The following PACRG variants were observed in gnomAD, a reference collection of about 807,000 sequenced individuals.
The protein encoded by PACRG is parkin coregulated gene protein.
PACRG carries 29 observed loss-of-function variants against 29.7 expected under a neutral mutation model. That is an observed-to-expected ratio of 0.98 (90% CI 0.73 to 1.33). The LOEUF (loss-of-function observed/expected upper bound fraction) is 1.33. Among genes scored for constraint, PACRG ranks in the 40% most tolerant of loss-of-function variants. The probability of loss-of-function intolerance (pLI) is 0.00; values close to 1 mark genes in which losing one functional copy is unlikely to be tolerated. For missense variants in PACRG, 279 were observed against 316.2 expected, an observed-to-expected ratio of 0.88 and a Z score of 0.89; for synonymous variants, 116 against 118.7, an observed-to-expected ratio of 0.98 and a Z score of 0.15.
At chr6:162,741,086 A>T (rs1051370068) in intron 1 of PACRG, among the ~76,000 whole-genome samples, 1 of 152,114 alleles carries the variant, frequency 6.6e-6, no homozygotes, top group East Asian at 1.9e-4. Flanking sequence ...CTTTTACATT[A>T]TTTAATCATG....
intron 4 of PACRG, among the ~76,000 whole-genome samples, chr6:163,168,042 T>TA (rs2128345158): frequency 6.6e-6 from 1 of 152,354 alleles, no homozygotes; most frequent in East Asian, 1.9e-4. Context: ...TTTCATATTA[T>TA]TTTGTACACT....
intron 4 of PACRG, among the ~76,000 whole-genome samples, chr6:163,230,488 A>C (rs1208499145): frequency 6.6e-6 from 1 of 152,172 alleles, no homozygotes; most frequent in East Asian, 1.9e-4. Context: ...GGGAGAAAAT[A>C]AACTAGTTAT....
At chr6:162,989,708 G>A (rs1171947498) in intron 2 of PACRG, among the ~76,000 whole-genome samples, 1 of 147,270 alleles carries the variant, frequency 6.8e-6, no homozygotes, top group Non-Finnish European at 1.5e-5. Context: ...AGGGCTGACT[G>A]TGTTCAGTAC....
At chr6:163,104,852 A>G (rs1489799687) in intron 4 of PACRG, among the ~76,000 whole-genome samples, 1 of 152,194 alleles carries the variant, frequency 6.6e-6, no homozygotes. Flanking sequence ...GTATACTTCA[A>G]TTACCTTGCC....
At chr6:163,083,437 T>C (rs1813261405) in intron 3 of PACRG, among the ~76,000 whole-genome samples, 6 of 152,212 alleles carry the variant, frequency 3.9e-5, no homozygotes, top group Admixed American at 3.9e-4. Flanking sequence ...CTTACATATA[T>C]TGACTGATGT....
chr6:163,142,455 TA>T (rs898679404), intron 4 of PACRG, among the ~76,000 whole-genome samples: 1 of 151,934 alleles, frequency 6.6e-6, no homozygotes, highest in Admixed American at 6.6e-5. Context: ...CAATAAACAT[TA>T]AAAAAATGAA....
At chr6:163,197,513 G>A (rs111372569) in intron 4 of PACRG, among the ~76,000 whole-genome samples, 3,455 of 142,416 alleles carry the variant, frequency 0.024, 140 homozygotes, top group African/African-American at 0.087. Context: ...GCGCGATCTC[G>A]GCTCACTGCA....
At chr6:163,078,294 A>G (rs951448064) in intron 3 of PACRG, among the ~76,000 whole-genome samples, 9 of 152,276 alleles carry the variant, frequency 5.9e-5, no homozygotes, top group South Asian at 2.1e-4. Flanking sequence ...TGAGGTCAGA[A>G]GTTCAAAACC....
chr6:163,091,585 A>G (rs979412093), intron 4 of PACRG, among the ~76,000 whole-genome samples: 1 of 152,150 alleles, frequency 6.6e-6, no homozygotes, highest in Non-Finnish European at 1.5e-5. Flanking sequence ...TTCATTTTCT[A>G]CTTATCTTAG....
intron 4 of PACRG, among the ~76,000 whole-genome samples, chr6:163,256,891 G>A (rs190211124): frequency 4.6e-5 from 7 of 152,304 alleles, no homozygotes; most frequent in East Asian, 1.9e-4. Context: ...TGGCCATGTC[G>A]TTTCCTTCGA....
At chr6:162,748,464 G>A (rs1047738763) in intron 1 of PACRG, among the ~76,000 whole-genome samples, 2 of 152,158 alleles carry the variant, frequency 1.3e-5, no homozygotes, top group African/African-American at 4.8e-5. Flanking sequence ...CTGCACTCCA[G>A]CCTGCGCGAC....
chr6:163,075,041 A>T (rs1812417862), intron 3 of PACRG, among the ~76,000 whole-genome samples: 1 of 152,072 alleles, frequency 6.6e-6, no homozygotes, highest in Non-Finnish European at 1.5e-5. Flanking sequence ...AGACAGAAAT[A>T]ACCAATATCA....
intron 3 of PACRG, among the ~76,000 whole-genome samples, chr6:163,074,411 G>T (rs548360728): frequency 2.0e-5 from 3 of 152,120 alleles, no homozygotes; most frequent in Non-Finnish European, 4.4e-5. Flanking sequence ...TAGAAGGATG[G>T]TTACCAGATG....
intron 4 of PACRG, among the ~76,000 whole-genome samples, chr6:163,163,752 A>C (rs1328843761): frequency 1.2e-4 from 18 of 152,240 alleles, no homozygotes; most frequent in Admixed American, 1.1e-3. Context: ...TGAGATTATT[A>C]AGGCAATTTA....
intron 2 of PACRG, among the ~76,000 whole-genome samples, chr6:162,899,657 C>G (rs1795416153): frequency 6.6e-6 from 1 of 152,050 alleles, no homozygotes; most frequent in Non-Finnish European, 1.5e-5. Flanking sequence ...GCTTTAGAGC[C>G]CTAAACACTG....
At chr6:162,911,145 G>A (rs1334060918) in intron 2 of PACRG, among the ~76,000 whole-genome samples, 1 of 152,184 alleles carries the variant, frequency 6.6e-6, no homozygotes, top group Non-Finnish European at 1.5e-5. Flanking sequence ...TTAAAATCAA[G>A]AACTAAGTTA....
At chr6:162,729,779 TATTA>T (rs940255901) in intron 1 of PACRG, among the ~76,000 whole-genome samples, 3 of 152,124 alleles carry the variant, frequency 2.0e-5, no homozygotes, top group African/African-American at 7.2e-5. Flanking sequence ...TCTTGTATCA[TATTA>T]ATTCTTTAAT....
intron 4 of PACRG, among the ~76,000 whole-genome samples, chr6:163,300,389 C>T (rs1784943647): frequency 6.6e-6 from 1 of 152,204 alleles, no homozygotes; most frequent in African/African-American, 2.4e-5. Context: ...GGCTCAGAGG[C>T]CAACGTAGCA....
chr6:163,182,371 A>C (rs1176685346), intron 4 of PACRG, among the ~76,000 whole-genome samples: 1 of 152,242 alleles, frequency 6.6e-6, no homozygotes, highest in Non-Finnish European at 1.5e-5. Flanking sequence ...GTGGAAACAA[A>C]AGGCAAGAAT....
Sources: allele counts gnomAD v4.1 joint callset (sites outside exome capture counted in the v4.1 genomes callset), GRCh38; gene constraint gnomAD v4.1.1; transcripts MANE v1.5; gene names NCBI Gene and HGNC (gene_info 2026-07-23, HGNC 2026-07-21).